LRRC4C: variants seen among roughly 807,000 people sequenced by gnomAD.
LRRC4C encodes the protein leucine rich repeat containing 4C.
Under a neutral mutation model 33.6 loss-of-function variants are expected in LRRC4C, and 5 were observed. The ratio of observed to expected loss-of-function variants is 0.15; its 90% CI spans 0.08 to 0.31. The LOEUF is 0.31. LRRC4C is among the 10% of genes least tolerant of loss of function. LRRC4C has a pLI of 1.00. For missense variants in LRRC4C, 560 were observed against 796.7 expected, an observed-to-expected ratio of 0.70 and a Z score of 3.58; for synonymous variants, 329 against 302.0, an observed-to-expected ratio of 1.09 and a Z score of -0.93.
Position 40,970,435 on chromosome 11 carries a change from G to A in LRRC4C, c.-495-36712C>T, listed in dbSNP as rs189611226. Among the ~76,000 whole-genome samples the A allele has an allele frequency of 9.3e-4, 141 of 152,220 alleles. 1 individual carries two copies. The highest frequency in any genetic ancestry group is 1.7e-3 in the Non-Finnish European group (117 of 68,016). ...TTCACCATGATTGTAAGATTCCTGA[G>A]GTCTCCAGAAGCCACTATGCTTCCC... On this transcript the variant is annotated intron_variant, in intron 1 of 6. Transcript: ENST00000528697.
chr11:40,134,070 A>G (rs1175730404), intron 6 of LRRC4C, among the ~76,000 whole-genome samples: 1 of 152,106 alleles, frequency 6.6e-6, no homozygotes, highest in Non-Finnish European at 1.5e-5. Flanking sequence ...ACAATAAGGA[A>G]CATACACTAA....
At chr11:41,385,304 C>T (rs1241692024) in intron 1 of LRRC4C, among the ~76,000 whole-genome samples, 1 of 151,540 alleles carries the variant, frequency 6.6e-6, no homozygotes, top group Non-Finnish European at 1.5e-5. Flanking sequence ...GCAGAATATA[C>T]TCTTGTATTT....
intron 1 of LRRC4C, among the ~76,000 whole-genome samples, chr11:41,090,786 C>A (rs966745456): frequency 7.9e-5 from 12 of 152,048 alleles, no homozygotes; most frequent in African/African-American, 2.9e-4. Flanking sequence ...AGGCAGTTAT[C>A]CCTGCTCTTA....
At chr11:40,449,813 T>C (rs1443291632) in intron 3 of LRRC4C, among the ~76,000 whole-genome samples, 2 of 152,162 alleles carry the variant, frequency 1.3e-5, no homozygotes, top group African/African-American at 4.8e-5. Flanking sequence ...GCAGGTGCTC[T>C]TGAGAAAAGA....
At chr11:41,384,613 GA>G (rs1416328800) in intron 1 of LRRC4C, among the ~76,000 whole-genome samples, 2 of 151,262 alleles carry the variant, frequency 1.3e-5, no homozygotes, top group African/African-American at 4.8e-5. Flanking sequence ...AATGTTTAAA[GA>G]GTAGTTTCTG....
rs1200939863 is a variant in LRRC4C, at chr11:41,381,399, G to A, written c.-496+78032C>T. ...TCCCAGTACTTTGGGAGGCCGAGGC[G>A]GGCAGATCACGAGGTCAGGAGTTCA... On this transcript the variant is annotated intron_variant, in intron 1 of 6. Transcript: ENST00000528697. Among the ~76,000 whole-genome samples, 13 of 152,106 alleles carry A rather than the reference G, an allele frequency of 8.5e-5. No homozygotes were observed. In the East Asian group the frequency reaches 9.7e-4, roughly 11 times the overall value.
At chr11:40,785,460 T>C (rs1008366332) in intron 2 of LRRC4C, among the ~76,000 whole-genome samples, 1 of 152,192 alleles carries the variant, frequency 6.6e-6, no homozygotes, top group African/African-American at 2.4e-5. Flanking sequence ...ATATCTAAAA[T>C]GGCATCTCTT....
chr11:41,447,985 G>A (rs967766776), intron 1 of LRRC4C, among the ~76,000 whole-genome samples: 26 of 151,988 alleles, frequency 1.7e-4, no homozygotes, highest in Admixed American at 8.5e-4. Context: ...TGGCTTAATA[G>A]TCTTTTTCCT....
At chr11:41,397,342 G>A (rs552937099) in intron 1 of LRRC4C, among the ~76,000 whole-genome samples, 15 of 151,742 alleles carry the variant, frequency 9.9e-5, no homozygotes, top group Non-Finnish European at 1.9e-4. Context: ...CTCCTCCTCA[G>A]CCTGCTCAAT....
At chr11:40,303,797 T>A (rs746846764) in intron 4 of LRRC4C, among the ~76,000 whole-genome samples, 8 of 152,222 alleles carry the variant, frequency 5.3e-5, no homozygotes, top group Non-Finnish European at 1.0e-4. Flanking sequence ...AGCAGACTTA[T>A]AGCCTTTGAG....
intron 3 of LRRC4C, among the ~76,000 whole-genome samples, chr11:40,520,082 A>G (rs1955746959): frequency 6.6e-6 from 1 of 152,202 alleles, no homozygotes; most frequent in Non-Finnish European, 1.5e-5. Context: ...ATGCTAATTT[A>G]CCACTCTAAA....
intron 1 of LRRC4C, among the ~76,000 whole-genome samples, chr11:40,956,306 G>A (rs1195205770): frequency 2.0e-5 from 3 of 151,710 alleles, no homozygotes; most frequent in Non-Finnish European, 4.4e-5. Flanking sequence ...TTTTAAAAAG[G>A]AATTCTTATA....
chr11:40,609,465 A>C (rs899363897), intron 3 of LRRC4C, among the ~76,000 whole-genome samples: 3 of 152,064 alleles, frequency 2.0e-5, no homozygotes, highest in Non-Finnish European at 4.4e-5. Context: ...GAAATATCTC[A>C]AATAAACAAC....
At chr11:41,421,971 C>T (rs1954886807) in intron 1 of LRRC4C, among the ~76,000 whole-genome samples, 1 of 151,862 alleles carries the variant, frequency 6.6e-6, no homozygotes, top group African/African-American at 2.4e-5. Context: ...GTGTATTTTT[C>T]CTGAAATACA....
intron 1 of LRRC4C, among the ~76,000 whole-genome samples, chr11:41,015,209 A>C (rs1054363371): frequency 1.3e-5 from 2 of 152,176 alleles, no homozygotes; most frequent in African/African-American, 4.8e-5. Flanking sequence ...AAAATATTAT[A>C]TTTTATTTAC....
chr11:41,060,016 C>T (rs1858947679), intron 1 of LRRC4C, among the ~76,000 whole-genome samples: 2 of 152,144 alleles, frequency 1.3e-5, no homozygotes, highest in Non-Finnish European at 2.9e-5. Flanking sequence ...CAGAGTGAGA[C>T]TCTGTCTCAA....
In LRRC4C at chr11:40,137,706, G is replaced by C. The variant is rs1857077202; in HGVS notation, c.-43+3095C>G. ...CCCTGGGGAATTAGGTAAAACCTCA[G>C]CTTCCTCATTCACTATATTAAAGAT... On this transcript the variant is annotated intron_variant, in intron 6 of 6. Coordinates refer to ENST00000528697, the MANE Select transcript of LRRC4C (RefSeq NM_001258419.2). 2.0e-5 allele frequency among the ~76,000 whole-genome samples: 3 copies of C among 152,232 alleles called. No homozygotes were observed. The South Asian group carries it at 6.2e-4, about 32-fold the overall frequency.
chr11:40,923,473 T>A (rs1347546653), intron 2 of LRRC4C, among the ~76,000 whole-genome samples: 2 of 152,294 alleles, frequency 1.3e-5, no homozygotes, highest in Non-Finnish European at 2.9e-5. Flanking sequence ...CACTTTTGGG[T>A]GAAGAATTTA....
chr11:40,593,171 T>A (rs1237346459), intron 3 of LRRC4C, among the ~76,000 whole-genome samples: 1 of 152,138 alleles, frequency 6.6e-6, no homozygotes, highest in African/African-American at 2.4e-5. Flanking sequence ...TGTAAATACA[T>A]CAAACAAAGG....
Sources: allele counts gnomAD v4.1 joint callset (sites outside exome capture counted in the v4.1 genomes callset), GRCh38; gene constraint gnomAD v4.1.1; transcripts MANE v1.5; gene names NCBI Gene and HGNC (gene_info 2026-07-23, HGNC 2026-07-21).